ZNF43: variants seen among roughly 807,000 people sequenced by gnomAD.
The protein encoded by ZNF43 is zinc finger protein 43.
In ZNF43, 44 loss-of-function variants were observed where a neutral mutation model predicts 68.4. The ratio of observed to expected loss-of-function variants is 0.64; its 90% CI spans 0.51 to 0.83. The LOEUF is 0.83. Ranked by LOEUF, ZNF43 falls within the 40% of genes least tolerant of loss-of-function variation. The pLI, the probability that ZNF43 is intolerant of heterozygous loss-of-function variation, is 0.00. For missense variants in ZNF43, 896 were observed against 933.2 expected, an observed-to-expected ratio of 0.96 and a Z score of 0.52; for synonymous variants, 308 against 307.8, an observed-to-expected ratio of 1.00 and a Z score of -0.01.
At chr19:21,837,507 C>G (rs1397512908), upstream of ZNF43, among the ~76,000 whole-genome samples, 3 of 148,968 alleles carry the variant, frequency 2.0e-5, no homozygotes, top group Admixed American at 1.3e-4. Flanking sequence ...TCACTGCAAC[C>G]TCCGCCTCCC....
rs905352613 is a variant in ZNF43, at chr19:21,805,822, C to T, written c.*1785G>A. ...AAATAGATTAATAGAAATGTTAGTC[C>T]ATTATGTTACCAAATAGTATATTGT... On this transcript the variant is annotated 3_prime_UTR_variant, in exon 4 of 4. Transcript: ENST00000354959. 1.3e-5 allele frequency: 2 copies of T among 151,944 alleles called. No homozygotes were observed. Among genetic ancestry groups the T allele is most frequent in the African/African-American group, 4.8e-5 (2 of 41,348 alleles). 9.4% of individuals were successfully genotyped at this position (151,944 alleles called of 1,614,324 possible). A position where few individuals can be genotyped will look rare whatever the true frequency, so the allele number is the denominator to read the frequency against.
At chr19:21,811,324 C>A (rs912083994) in intron 3 of ZNF43, among the ~76,000 whole-genome samples, 2 of 151,890 alleles carry the variant, frequency 1.3e-5, no homozygotes, top group Admixed American at 6.6e-5. Flanking sequence ...CTGCTGAGCT[C>A]AGGAGTTCGA....
chr19:21,808,923 A>G lies in ZNF43; in HGVS notation c.1114T>C (p.Cys372Arg). Residue 372 changes from cysteine (C) to arginine (R), a missense_variant, in exon 4 of 4, where the codon TGT becomes CGT. Coordinates refer to ENST00000354959, the MANE Select transcript of ZNF43 (RefSeq NM_003423.4). Reference protein sequence around the residue: ...RIHTAEKFYKCTECGEAFSRS... With the variant: ...RIHTAEKFYKRTECGEAFSRS... ...CTAAAAGCTTCACCACATTCTGTACATTTATAGAATTTCTCTGCAGTATGG... is the reference window on the plus strand; with the variant it reads ...CTAAAAGCTTCACCACATTCTGTACGTTTATAGAATTTCTCTGCAGTATGG... 11 of 1,613,408 alleles carry G rather than the reference A, an allele frequency of 6.8e-6. No individual in the cohort carries two copies. The highest frequency in any genetic ancestry group is 9.3e-6 in the Non-Finnish European group (11 of 1,179,788).
chr19:21,823,839 G>C (rs1364200343), intron 1 of ZNF43, among the ~76,000 whole-genome samples: 1 of 152,120 alleles, frequency 6.6e-6, no homozygotes, highest in Non-Finnish European at 1.5e-5. Flanking sequence ...AAAGTGCTGA[G>C]ATTACAGGTG....
At chr19:21,812,091 G>A (rs890764432) in intron 3 of ZNF43, 1 of 397,530 alleles carries the variant, frequency 2.5e-6, no homozygotes, top group African/African-American at 2.1e-5. Context: ...TAAATCACAT[G>A]TGATATTCCT....
intron 1 of ZNF43, among the ~76,000 whole-genome samples, chr19:21,823,504 T>C (rs1373947395): frequency 1.3e-5 from 2 of 151,942 alleles, no homozygotes; most frequent in Non-Finnish European, 2.9e-5. Context: ...GTCTAGTTGA[T>C]TGTGAGAGGA....
rs554390607 is a variant in ZNF43 at position 21,808,390 on chromosome 19, A to C, written c.1647T>G (p.His549Gln). 3 of 1,589,896 alleles carry C rather than the reference A, an allele frequency of 1.9e-6. No individual in the cohort carries two copies. Among genetic ancestry groups the C allele is most frequent in the East Asian group, 2.3e-5 (1 of 43,778 alleles). ...TCTTATGTTTGGTAAGGATTGAGAA[A>C]TGGTTAAAAGCTTTGCCACATTCTT... Reference protein sequence around the residue: ...KCEECGKAFNHFSILTKHKRI... With the variant: ...KCEECGKAFNQFSILTKHKRI... The change falls in exon 4 of 4, where the codon CAT becomes CAG. Residue 549 changes from histidine (H) to glutamine (Q), a missense_variant. By Grantham distance (24) the His-to-Gln change is conservative (BLOSUM62 0). Transcript: ENST00000354959.
intron 1 of ZNF43, among the ~76,000 whole-genome samples, chr19:21,843,559 G>C (rs1046287915): frequency 1.3e-5 from 2 of 152,184 alleles, no homozygotes; most frequent in African/African-American, 2.4e-5. Flanking sequence ...GGAGGCCAAG[G>C]CAGGTGGATC....
rs936242564 is a variant in ZNF43, at chr19:21,807,729, C to A, written c.2308G>T (p.Ala770Ser). 6.2e-7 allele frequency: 1 copy of A among 1,613,600 alleles called. No individual in the cohort carries two copies. The highest frequency in any genetic ancestry group is 8.5e-7 in the Non-Finnish European group (1 of 1,179,774). ...GTAAGGTTTGAATATTGGTTGAAAG[C>A]TTTGCCACATTCTTTACATTTGTAG... ...QPYKCKECGKAFNQYSNLTTH... is the reference protein window; with the variant it reads ...QPYKCKECGKSFNQYSNLTTH... The change falls in exon 4 of 4, where the codon GCT (alanine) becomes TCT (serine). Residue 770 changes from alanine to serine, a missense_variant. Coordinates refer to ENST00000354959, the MANE Select transcript of ZNF43 (RefSeq NM_003423.4).
At chr19:21,817,843 G>A (rs1171089356) in intron 3 of ZNF43, 45 bp downstream of exon 3, 1 of 1,565,004 alleles carries the variant, frequency 6.4e-7, no homozygotes, top group Admixed American at 1.7e-5. Context: ...TTAACCTTTG[G>A]ACTTCTCATC....
chr19:21,819,589 T>C (rs2037699517), intron 1 of ZNF43, among the ~76,000 whole-genome samples: 2 of 152,302 alleles, frequency 1.3e-5, no homozygotes, highest in Admixed American at 1.3e-4. Context: ...GAAGGGACCT[T>C]TAAAATATTA....
chr19:21,823,796 T>C (rs2037970934), intron 1 of ZNF43, among the ~76,000 whole-genome samples: 1 of 152,056 alleles, frequency 6.6e-6, no homozygotes, highest in Admixed American at 6.6e-5. Flanking sequence ...CTCAAACTTC[T>C]AACCTCAGGT....
upstream of ZNF43, chr19:21,838,005 A>T (rs1967240119): frequency 6.6e-6 from 1 of 152,196 alleles, no homozygotes; most frequent in Admixed American, 6.5e-5. Flanking sequence ...AACTGAATAC[A>T]ATTTAGTCTG....
intron 1 of ZNF43, chr19:21,851,840 A>T: frequency 6.7e-7 from 1 of 1,500,654 alleles, no homozygotes; most frequent in Non-Finnish European, 8.9e-7. Flanking sequence ...GACTGTGAGG[A>T]GGCCGGTCCC....
Position 21,809,372 on chromosome 19 carries a change from CT to C in ZNF43, c.664del (p.Arg222GlufsTer57). ...NCPSIITKHKRINTGEKPYTC... is the reference protein window; with the variant it reads ...NCPSIITKHKXINTGEKPYTC... ...GTAGGGTTTCTCTCCAGTATTAATTCTCTTATGTTTAGTGATGATTGAAGGG... is the reference window on the plus strand; with the variant it reads ...GTAGGGTTTCTCTCCAGTATTAATTCCTTATGTTTAGTGATGATTGAAGGG... On this transcript the variant is annotated frameshift_variant, in exon 4 of 4. Transcript: ENST00000354959. LOFTEE classifies it high-confidence loss of function. The C allele has an allele frequency of 1.2e-6, 2 of 1,613,490 alleles. No individual in the cohort carries two copies.
chr19:21,822,710 G>A (rs1488009792), intron 1 of ZNF43, among the ~76,000 whole-genome samples: 1 of 152,046 alleles, frequency 6.6e-6, no homozygotes, highest in Non-Finnish European at 1.5e-5. Flanking sequence ...GAGGCTGAGG[G>A]GGGAGAATGA....
chr19:21,847,219 T>C (rs1968014400), intron 1 of ZNF43, among the ~76,000 whole-genome samples: 1 of 152,110 alleles, frequency 6.6e-6, no homozygotes, highest in Admixed American at 6.5e-5. Flanking sequence ...CATCTCCTAG[T>C]TGATGAATGC....
upstream of ZNF43, chr19:21,841,092 C>T (rs1014177702): frequency 3.3e-5 from 5 of 152,188 alleles, no homozygotes; most frequent in African/African-American, 9.7e-5. Flanking sequence ...CCTATGATAA[C>T]ACTCTCTGTA....
rs369769360 is a variant in ZNF43, at chr19:21,850,492, G to A, written c.30+1413C>T. 1.0e-3 allele frequency among the ~76,000 whole-genome samples: 157 copies of A among 151,854 alleles called. 1 individual carries two copies. The highest frequency in any genetic ancestry group is 3.5e-3 in the Middle Eastern group (1 of 288). On this transcript the variant is annotated intron_variant, in intron 1 of 3. Coordinates refer to the ZNF43 transcript ENST00000357491. ...GGAGAATCATTTGAACCTGGGAAGC[G>A]GAAGTTGCAGTGAGCCGAGATCGCA...
Sources: allele counts gnomAD v4.1 joint callset (sites outside exome capture counted in the v4.1 genomes callset), GRCh38; gene constraint gnomAD v4.1.1; transcripts MANE v1.5; gene names NCBI Gene and HGNC (gene_info 2026-07-23, HGNC 2026-07-21).